PELI2: variants seen among roughly 807,000 people sequenced by gnomAD.
PELI2 encodes pellino E3 ubiquitin protein ligase family member 2, also known as E3 ubiquitin-protein ligase pellino homolog 2.
In PELI2, 23 loss-of-function variants were observed where a neutral mutation model predicts 42.3. The observed-to-expected ratio is 0.54, with a 90% confidence interval of 0.39 to 0.77. The LOEUF is 0.77. Among genes scored for constraint, PELI2 ranks in the 30% least tolerant of loss-of-function variants. PELI2 has a pLI of 0.00. For missense variants in PELI2, 463 were observed against 553.2 expected (o/e 0.84, Z 1.64); for synonymous variants, 245 against 212.2 (o/e 1.15, Z -1.34).
chr14:56,268,972 CAGA>C (rs1381173985), intron 2 of PELI2, among the ~76,000 whole-genome samples: 4 of 152,158 alleles, frequency 2.6e-5, no homozygotes, highest in Non-Finnish European at 5.9e-5. Flanking sequence ...GACGAAAAGG[CAGA>C]AGAACTTTGA....
Position 56,300,356 on chromosome 14 carries a change from C to G in PELI2, c.*3190C>G, listed in dbSNP as rs1198764500. On this transcript the variant is annotated 3_prime_UTR_variant, in exon 6 of 6. Transcript: ENST00000267460. ...ACATGATTGTAGTAGAATTTATTTT[C>G]CAGTACCAATAGGGAAATTATTTTA... 1 of 152,470 alleles carries G rather than the reference C, an allele frequency of 6.6e-6. No individual in the cohort carries two copies. The highest frequency in any genetic ancestry group is 2.4e-5 in the African/African-American group (1 of 41,404). 9.4% of individuals were successfully genotyped at this position (152,470 alleles called of 1,614,324 possible). A position where few individuals can be genotyped will look rare whatever the true frequency, so the allele number is the denominator to read the frequency against.
intron 2 of PELI2, among the ~76,000 whole-genome samples, chr14:56,181,982 C>T (rs1301515246): frequency 6.6e-6 from 1 of 152,136 alleles, no homozygotes; most frequent in Non-Finnish European, 1.5e-5. Context: ...TATTCAGCAC[C>T]TTCCATGGCC....
Position 56,180,009 on chromosome 14 carries a change from C to G in PELI2, c.207+1545C>G. ...AACTGTTGAGAGAAAAGTATCTCTT[C>G]TTTAATCTTTAGCCACTGCCATCTC... is the stretch of plus-strand genomic sequence containing the variant. On this transcript the variant is annotated intron_variant, in intron 2 of 5. Transcript: ENST00000267460. The surrounding 1 kb of genome is among the most constrained non-coding windows in gnomAD (Gnocchi z 4.4). Among the ~76,000 whole-genome samples, 1 of 152,248 alleles carries G rather than the reference C, an allele frequency of 6.6e-6. No homozygotes were observed. The highest frequency in any genetic ancestry group is 2.1e-4 in the South Asian group (1 of 4,830).
chr14:56,266,063 T>C (rs1888892287), intron 2 of PELI2, among the ~76,000 whole-genome samples: 1 of 152,006 alleles, frequency 6.6e-6, no homozygotes, highest in Admixed American at 6.5e-5. Flanking sequence ...TGTTGATACA[T>C]GCATATGCTG....
At chr14:56,294,291 A>AG (rs1446217424) in intron 5 of PELI2, among the ~76,000 whole-genome samples, 3 of 152,136 alleles carry the variant, frequency 2.0e-5, no homozygotes, top group African/African-American at 7.2e-5. Flanking sequence ...GGTGTACTGG[A>AG]GTGGAGTATT....
intron 5 of PELI2, among the ~76,000 whole-genome samples, chr14:56,291,804 T>C (rs1399687939): frequency 6.6e-6 from 1 of 152,170 alleles, no homozygotes; most frequent in Non-Finnish European, 1.5e-5. Context: ...CCCCATTTCA[T>C]GGATGAGGAA....
intron 1 of PELI2, among the ~76,000 whole-genome samples, chr14:56,151,536 C>G (rs1337875074): frequency 5.3e-5 from 8 of 152,184 alleles, no homozygotes; most frequent in African/African-American, 1.9e-4. Flanking sequence ...AGTTGTTCAG[C>G]TAGGACCTGA....
At chr14:56,229,535 C>T (rs1887482003) in intron 2 of PELI2, among the ~76,000 whole-genome samples, 1 of 152,220 alleles carries the variant, frequency 6.6e-6, no homozygotes, top group South Asian at 2.1e-4. Flanking sequence ...AGGGTCCTGA[C>T]TGTTAGAAGG....
chr14:56,217,855 C>T (rs988584708), intron 2 of PELI2, among the ~76,000 whole-genome samples: 8 of 152,136 alleles, frequency 5.3e-5, no homozygotes, highest in African/African-American at 1.9e-4. Flanking sequence ...CTCACCAGCT[C>T]GCAGATCTGT....
chr14:56,167,730 G>A (rs1434493726), intron 1 of PELI2, among the ~76,000 whole-genome samples: 1 of 152,200 alleles, frequency 6.6e-6, no homozygotes, highest in Non-Finnish European at 1.5e-5. Flanking sequence ...GTTGATGCTA[G>A]TAGATGTTCT....
chr14:56,145,093 C>A, intron 1 of PELI2: 1 of 322,824 alleles, frequency 3.1e-6, no homozygotes, highest in Non-Finnish European at 4.5e-6. Context: ...GCTTAATTGG[C>A]TAACAGTTCT....
rs186745649 is a variant in PELI2 at position 56,253,635 on chromosome 14, A to G, written c.208-26041A>G. Among the ~76,000 whole-genome samples the G allele has an allele frequency of 1.4e-4, 22 of 152,326 alleles. No individual in the cohort carries two copies. In the East Asian group the frequency reaches 2.5e-3, roughly 17 times the overall value. On this transcript the variant is annotated intron_variant, in intron 2 of 5. Coordinates refer to ENST00000267460, the MANE Select transcript of PELI2 (RefSeq NM_021255.3). ...AGAGAATAAAATACCTAGGAATACAACTTACAAGGGATGTGAATGATCTCT... is the reference window on the plus strand; with the variant it reads ...AGAGAATAAAATACCTAGGAATACAGCTTACAAGGGATGTGAATGATCTCT...
chr14:56,191,906 G>A (rs1311350783), intron 2 of PELI2, among the ~76,000 whole-genome samples: 1 of 152,140 alleles, frequency 6.6e-6, no homozygotes, highest in Non-Finnish European at 1.5e-5. Flanking sequence ...ACACCCAGGA[G>A]TGCAGTGGTG....
chr14:56,276,151 C>G (rs1407646576), intron 2 of PELI2, among the ~76,000 whole-genome samples: 1 of 152,162 alleles, frequency 6.6e-6, no homozygotes, highest in East Asian at 1.9e-4. Context: ...TACTTGCAGA[C>G]TTTTCCGTAA....
intron 2 of PELI2, among the ~76,000 whole-genome samples, chr14:56,234,564 A>G (rs186371990): frequency 1.3e-5 from 2 of 152,116 alleles, no homozygotes; most frequent in Non-Finnish European, 2.9e-5. Flanking sequence ...GAACACTTGG[A>G]CACAGGGTGG....
rs190969781 is a variant in PELI2, at chr14:56,119,764, A to C, written c.77+1027A>C. On this transcript the variant is annotated intron_variant, in intron 1 of 5. Coordinates refer to ENST00000267460, the MANE Select transcript of PELI2 (RefSeq NM_021255.3). ...AACAACTTGGGTTTAGTGTTGAAGAAAGGATTATTTTTTCCTTTGGATGTG... is the reference window on the plus strand; with the variant it reads ...AACAACTTGGGTTTAGTGTTGAAGACAGGATTATTTTTTCCTTTGGATGTG... 65 of 980,698 alleles carry C rather than the reference A, an allele frequency of 6.6e-5. No individual in the cohort carries two copies. The African/African-American group carries it at 1.0e-3, about 16-fold the overall frequency. 60.7% of individuals were successfully genotyped at this position (980,698 alleles called of 1,614,324 possible).
At chr14:56,121,497 T>C (rs79827623) in intron 1 of PELI2, among the ~76,000 whole-genome samples, 3,196 of 152,318 alleles carry the variant, frequency 0.021, 119 homozygotes, top group African/African-American at 0.074. Context: ...AGTTAATGTA[T>C]CATAGCCACA....
Position 56,240,532 on chromosome 14 carries a change from G to A in PELI2, c.208-39144G>A, listed in dbSNP as rs181569767. 1.1e-4 allele frequency among the ~76,000 whole-genome samples: 16 copies of A among 152,282 alleles called. No homozygotes were observed. In the East Asian group the frequency reaches 2.9e-3, roughly 28 times the overall value. ...TTTTAGATGGTTGGTCAGTGAGGGG[G>A]TAACGAAATGGAGACAGTACAGGAA... On this transcript the variant is annotated intron_variant, in intron 2 of 5. Transcript: ENST00000267460.
intron 2 of PELI2, among the ~76,000 whole-genome samples, chr14:56,272,909 T>C (rs887418235): frequency 4.6e-5 from 7 of 152,308 alleles, no homozygotes; most frequent in African/African-American, 1.4e-4. Context: ...ATAACCGTAG[T>C]GTCTTGGGTG....
Sources: allele counts gnomAD v4.1 joint callset (sites outside exome capture counted in the v4.1 genomes callset), GRCh38; gene constraint gnomAD v4.1.1; non-coding constraint Gnocchi (gnomAD v3.1); transcripts MANE v1.5; gene names NCBI Gene and HGNC (gene_info 2026-07-23, HGNC 2026-07-21).